The following ADORA2B variants were observed in gnomAD, a reference collection of about 807,000 sequenced individuals.
The protein encoded by ADORA2B is adenosine receptor A2b.
A neutral mutation model predicts 20.8 loss-of-function variants in ADORA2B; 18 were observed. The observed-to-expected ratio is 0.87, with a 90% CI of 0.60 to 1.29. The LOEUF is 1.29. Ranked by LOEUF, ADORA2B falls within the 50% of genes most tolerant of loss-of-function variation. ADORA2B has a pLI of 0.00. For synonymous variants in ADORA2B, 179 were observed against 178.3 expected, an observed-to-expected ratio of 1.00 and a Z score of -0.03; for missense variants, 441 against 422.7, an observed-to-expected ratio of 1.04 and a Z score of -0.38.
At chr17:15,922,030 T>G in the ADORA2B span, among the ~76,000 whole-genome samples, 1 of 152,160 alleles carries the variant, frequency 6.6e-6, no homozygotes, top group African/African-American at 2.4e-5. Flanking sequence ...GTGTAGGGAA[T>G]TAGAAGTCTG....
chr17:15,913,450 T>A, the ADORA2B span, among the ~76,000 whole-genome samples: 1 of 152,208 alleles, frequency 6.6e-6, no homozygotes, highest in Non-Finnish European at 1.5e-5. Flanking sequence ...TGTTTCCAGC[T>A]TTTCCAGCTT....
At chr17:15,923,199 TTTTTTAA>T in the ADORA2B span, among the ~76,000 whole-genome samples, 9 of 135,498 alleles carry the variant, frequency 6.6e-5, no homozygotes, top group South Asian at 2.2e-4. Flanking sequence ...ATTTCTTTCT[TTTTTTAA>T]TTTTTTTTTT....
the ADORA2B span, among the ~76,000 whole-genome samples, chr17:15,870,767 TGA>T: frequency 6.6e-6 from 1 of 152,262 alleles, no homozygotes; most frequent in South Asian, 2.1e-4. Context: ...TTGTCTTTTT[TGA>T]GAGAGGTCTC....
chr17:15,865,162 A>G, the ADORA2B span, among the ~76,000 whole-genome samples: 1 of 152,238 alleles, frequency 6.6e-6, no homozygotes, highest in Non-Finnish European at 1.5e-5. Flanking sequence ...TTTTCTGTTC[A>G]GAAAAGGAAT....
At position 15,974,765 on chromosome 17, in the gene ADORA2B, T is replaced by C. The variant is rs758480462; in HGVS notation, c.422T>C (p.Phe141Ser). 2 of 1,614,090 alleles carry C rather than the reference T, an allele frequency of 1.2e-6. No individual in the cohort carries two copies. Among genetic ancestry groups the C allele is most frequent in the African/African-American group, 1.3e-5 (1 of 75,010 alleles). Residue 141 changes from phenylalanine (F) to serine (S), a missense_variant, in exon 2 of 2, where the codon TTC (phenylalanine) becomes TCC (serine). Physicochemically the swap from Phe to Ser is radical, Grantham distance 155. Coordinates refer to ENST00000304222, the MANE Select transcript of ADORA2B (RefSeq NM_000676.4). The part of the protein sequence containing the change: ...VLAFGIGLTP[F>S]LGWNSKDSAT... ...GCCTTTGGCATCGGATTGACTCCAT[T>C]CCTGGGGTGGAACAGTAAAGACAGT... is the stretch of plus-strand genomic sequence containing the variant.
the ADORA2B span, among the ~76,000 whole-genome samples, chr17:15,918,234 C>T: frequency 6.6e-6 from 1 of 152,144 alleles, no homozygotes; most frequent in Non-Finnish European, 1.5e-5. Context: ...TCCCCAAGGC[C>T]CCAGCTCCTT....
At chr17:15,879,025 T>C in the ADORA2B span, among the ~76,000 whole-genome samples, 9 of 152,038 alleles carry the variant, frequency 5.9e-5, no homozygotes, top group African/African-American at 2.2e-4. Context: ...ATAACTCTTA[T>C]TGATGAAGAG....
upstream of ADORA2B, among the ~76,000 whole-genome samples, chr17:15,942,483 C>G (rs1969753413): frequency 6.6e-6 from 1 of 152,206 alleles, no homozygotes; most frequent in Admixed American, 6.5e-5. Flanking sequence ...ATTACCCAGT[C>G]TCAGATATTT....
the ADORA2B span, among the ~76,000 whole-genome samples, chr17:15,904,544 C>T: frequency 3.9e-5 from 6 of 151,998 alleles, no homozygotes; most frequent in South Asian, 1.0e-3. Context: ...CCCGCCACCA[C>T]GCCAGCTAAT....
At chr17:15,935,820 A>G in the ADORA2B span, among the ~76,000 whole-genome samples, 1 of 150,560 alleles carries the variant, frequency 6.6e-6, no homozygotes, top group South Asian at 2.1e-4. Context: ...TGCAAGTCCA[A>G]ATTCGCTGTT....
At chr17:15,887,191 C>A in the ADORA2B span, among the ~76,000 whole-genome samples, 2 of 130,400 alleles carry the variant, frequency 1.5e-5, 1 homozygote, top group African/African-American at 6.5e-5. Context: ...CAGCCGTCCT[C>A]TTGCCATGGG....
the ADORA2B span, among the ~76,000 whole-genome samples, chr17:15,861,350 A>T: frequency 6.6e-6 from 1 of 152,202 alleles, no homozygotes; most frequent in Non-Finnish European, 1.5e-5. Flanking sequence ...ACTCTGCCAT[A>T]TATATGCATG....
At chr17:15,974,349 T>C (rs1478854622) in intron 1 of ADORA2B, 2 of 244,286 alleles carry the variant, frequency 8.2e-6, no homozygotes, top group East Asian at 8.0e-5. Flanking sequence ...CTATGACATA[T>C]ACTTCAAGTC....
the ADORA2B span, among the ~76,000 whole-genome samples, chr17:15,854,181 C>A: frequency 6.6e-6 from 1 of 152,180 alleles, no homozygotes; most frequent in Non-Finnish European, 1.5e-5. Context: ...TCTCGAACTC[C>A]TGACCTCAGG....
Position 15,953,919 on chromosome 17 carries a change from TG to T in ADORA2B, c.335+8338del, listed in dbSNP as rs1186266419. On this transcript the variant is annotated intron_variant, in intron 1 of 1. Transcript: ENST00000304222. ...TTTCTCATGGCTTCCTCTGCACAGA[TG>T]GTGTATTGAACACATTTGCATTATA... 3.3e-5 allele frequency among the ~76,000 whole-genome samples: 5 copies of T among 152,160 alleles called. No homozygotes were observed. The East Asian group carries it at 9.6e-4, about 29-fold the overall frequency.
chr17:15,943,357 C>CT (rs2151589248), upstream of ADORA2B, among the ~76,000 whole-genome samples: 1 of 152,296 alleles, frequency 6.6e-6, no homozygotes, highest in East Asian at 1.9e-4. Flanking sequence ...GGGTCTCCCT[C>CT]TTTTGCCCAG....
chr17:15,852,473 A>G, the ADORA2B span, among the ~76,000 whole-genome samples: 2 of 152,162 alleles, frequency 1.3e-5, no homozygotes, highest in African/African-American at 4.8e-5. Context: ...TTAAAAAAAT[A>G]TATGGTGTCA....
At chr17:15,933,244 T>C in the ADORA2B span, among the ~76,000 whole-genome samples, 2 of 152,166 alleles carry the variant, frequency 1.3e-5, no homozygotes, top group Admixed American at 6.5e-5. Context: ...CGTGAGCCAC[T>C]GCGCCTGGCC....
chr17:15,919,559 C>T, the ADORA2B span, among the ~76,000 whole-genome samples: 2 of 152,232 alleles, frequency 1.3e-5, no homozygotes, highest in Non-Finnish European at 2.9e-5. Context: ...CCAGGGACTA[C>T]AAGCTGTGCC....
Sources: allele counts gnomAD v4.1 joint callset (sites outside exome capture counted in the v4.1 genomes callset), GRCh38; gene constraint gnomAD v4.1.1; transcripts MANE v1.5; gene names NCBI Gene and HGNC (gene_info 2026-07-23, HGNC 2026-07-21).